Variants in FNIP1 observed in about 807,000 individuals in gnomAD.
The protein encoded by FNIP1 is folliculin-interacting protein 1.
FNIP1 carries 40 observed loss-of-function variants against 124.5 expected under a neutral mutation model. The observed-to-expected ratio is 0.32, with a 90% CI of 0.25 to 0.42. FNIP1 has a LOEUF of 0.42. Among genes scored for constraint, FNIP1 ranks in the 10% least tolerant of loss-of-function variants. FNIP1 has a pLI of 1.00. For missense variants in FNIP1, 1,176 were observed against 1,403.7 expected (o/e 0.84, Z 2.59); for synonymous variants, 472 against 470.6 (o/e 1.00, Z -0.04).
rs189539380 is a variant in FNIP1 at position 131,764,588 on chromosome 5, G to A, written c.93-19898C>T. Among the ~76,000 whole-genome samples, 15 of 152,122 alleles carry A rather than the reference G, an allele frequency of 9.9e-5. No individual in the cohort carries two copies. In the East Asian group the frequency reaches 1.9e-3, roughly 20 times the overall value. ...CCAAAGAGCTGGATTAGGGGTGTCA[G>A]GCCTCCATACCTGGTCATACCTATT... On this transcript the variant is annotated intron_variant, in intron 1 of 17. Coordinates refer to ENST00000510461, the MANE Select transcript of FNIP1 (RefSeq NM_133372.3).
At chr5:131,693,289 A>AATATATACATATATATATAT (rs1768546105) in intron 11 of FNIP1, among the ~76,000 whole-genome samples, 2 of 68,306 alleles carry the variant, frequency 2.9e-5, no homozygotes, top group Admixed American at 1.7e-4. Context: ...GTAATAGCTA[A>AATATATACATATATATATAT]ATATATACAT....
chr5:131,748,032 G>A (rs371637664), intron 1 of FNIP1, among the ~76,000 whole-genome samples: 6 of 151,906 alleles, frequency 3.9e-5, no homozygotes, highest in East Asian at 3.9e-4. Flanking sequence ...GGTAAGGTGC[G>A]GAGGGAATCC....
chr5:131,746,766 CT>C (rs1770697417), intron 1 of FNIP1, among the ~76,000 whole-genome samples: 1 of 152,062 alleles, frequency 6.6e-6, no homozygotes, highest in South Asian at 2.1e-4. Flanking sequence ...TTTTTGGTAG[CT>C]TTGTTTTCTT....
intron 1 of FNIP1, chr5:131,796,600 C>T (rs1772606916): frequency 5.4e-6 from 3 of 557,708 alleles, no homozygotes; most frequent in Non-Finnish European, 3.2e-6. Context: ...AACAAACCGA[C>T]GGGAGGAGGG....
intron 2 of FNIP1, among the ~76,000 whole-genome samples, chr5:131,737,880 T>G (rs1260167331): frequency 6.6e-6 from 1 of 152,240 alleles, no homozygotes; most frequent in East Asian, 1.9e-4. Flanking sequence ...TATTCCCTAG[T>G]GCTTAACAGC....
chr5:131,697,669 G>C (rs922479558), intron 11 of FNIP1, among the ~76,000 whole-genome samples: 2 of 151,530 alleles, frequency 1.3e-5, no homozygotes, highest in African/African-American at 2.4e-5. Context: ...ACTGCTGTAG[G>C]TTATGTTTAC....
chr5:131,744,517 C>G, intron 2 of FNIP1, 47 bp downstream of exon 2: 1 of 1,551,254 alleles, frequency 6.4e-7, no homozygotes, highest in Non-Finnish European at 8.7e-7. Context: ...CTGGAATTAT[C>G]AAAATGTTCA....
At chr5:131,661,470 G>A (rs1029829308) in intron 15 of FNIP1, among the ~76,000 whole-genome samples, 2 of 152,138 alleles carry the variant, frequency 1.3e-5, no homozygotes, top group African/African-American at 2.4e-5. Context: ...AAGATGACAG[G>A]GGCACACTAG....
intron 15 of FNIP1, 126 bp downstream of exon 15, chr5:131,670,337 A>G (rs891237305): frequency 4.0e-6 from 3 of 756,518 alleles, no homozygotes; most frequent in African/African-American, 3.6e-5. Context: ...CTGAATATAA[A>G]ATGATGGATT....
intron 15 of FNIP1, among the ~76,000 whole-genome samples, chr5:131,654,430 T>A (rs1047316516): frequency 1.3e-5 from 2 of 152,234 alleles, no homozygotes; most frequent in African/African-American, 4.8e-5. Context: ...GACAAAAGTT[T>A]ACTCCTGGAT....
intron 13 of FNIP1, 101 bp from the exon 14 acceptor site, chr5:131,673,025 A>AAACC: frequency 1.2e-6 from 1 of 847,130 alleles, no homozygotes; most frequent in Non-Finnish European, 1.8e-6. Context: ...TGTATGAGTA[A>AAACC]TAGTTTAGGT....
chr5:131,701,923 C>A (rs951831863), intron 10 of FNIP1, among the ~76,000 whole-genome samples: 2 of 152,140 alleles, frequency 1.3e-5, no homozygotes, highest in Non-Finnish European at 2.9e-5. Flanking sequence ...TCTCACTATT[C>A]CTCTTTGTAT....
Position 131,656,015 on chromosome 5 carries a change from T to A in FNIP1, c.3109-4016A>T, listed in dbSNP as rs939984523. On this transcript the variant is annotated intron_variant, in intron 15 of 17. Transcript: ENST00000510461. ...TAAGCCCAGGTGTTTGAGGCTGCAG[T>A]GAGCTATGACTGCACCATTGCACTC... 5.3e-5 allele frequency among the ~76,000 whole-genome samples: 8 copies of A among 151,994 alleles called. 1 individual carries two copies. The highest frequency in any genetic ancestry group is 5.2e-4 in the Admixed American group (8 of 15,258).
At chr5:131,700,683 A>G (rs1768869042) in intron 10 of FNIP1, among the ~76,000 whole-genome samples, 2 of 152,176 alleles carry the variant, frequency 1.3e-5, no homozygotes, top group South Asian at 4.1e-4. Context: ...CTCAAAAGAT[A>G]GAAGACTTCA....
chr5:131,770,744 T>G (rs1371021297), intron 1 of FNIP1, among the ~76,000 whole-genome samples: 2 of 152,210 alleles, frequency 1.3e-5, no homozygotes, highest in Admixed American at 6.5e-5. Flanking sequence ...ATAGGGATAA[T>G]GTTTCTCTCT....
At chr5:131,673,689 A>G (rs138975097) in intron 13 of FNIP1, among the ~76,000 whole-genome samples, 178 of 152,314 alleles carry the variant, frequency 1.2e-3, no homozygotes, top group African/African-American at 4.0e-3. Flanking sequence ...TAGTGGTAAA[A>G]TGGAGCAAAG....
At chr5:131,752,460 A>C (rs1288733218) in intron 1 of FNIP1, among the ~76,000 whole-genome samples, 2 of 152,104 alleles carry the variant, frequency 1.3e-5, no homozygotes, top group Non-Finnish European at 2.9e-5. Flanking sequence ...AGAGTTCTTA[A>C]ACAAGATACA....
rs146550518 is a variant in FNIP1 at position 131,726,889 on chromosome 5, C to T, written c.354+4015G>A. Among the ~76,000 whole-genome samples the T allele has an allele frequency of 8.5e-5, 13 of 152,180 alleles. No individual in the cohort carries two copies. In the East Asian group the frequency reaches 2.3e-3, roughly 27 times the overall value. ...CTTTGTTCAAACTTATTTATTTCTG[C>T]CTTCAGTTTGTTATTTACCCAGTAG... On this transcript the variant is annotated intron_variant, in intron 3 of 17. Transcript: ENST00000510461.
At chr5:131,662,218 T>C (rs866652509) in intron 15 of FNIP1, among the ~76,000 whole-genome samples, 4 of 152,146 alleles carry the variant, frequency 2.6e-5, no homozygotes, top group African/African-American at 9.7e-5. Flanking sequence ...TCTTTTGCTA[T>C]CTTAAGCCCA....
Sources: gnomAD v4.1 joint callset for allele counts (sites outside exome capture counted in the v4.1 genomes callset) on GRCh38, gnomAD v4.1.1 for gene constraint, MANE v1.5 for transcripts, NCBI Gene and HGNC (gene_info 2026-07-23, HGNC 2026-07-21) for gene names.